CFAP69: variants seen among roughly 807,000 people sequenced by gnomAD.
CFAP69 encodes cilia and flagella associated protein 69.
Under a neutral mutation model 123.0 loss-of-function variants are expected in CFAP69, and 92 were observed. The ratio of observed to expected loss-of-function variants is 0.75; its 90% CI spans 0.63 to 0.89. The LOEUF (loss-of-function observed/expected upper bound fraction) is 0.89. CFAP69 is among the 40% of genes least tolerant of loss of function. CFAP69 has a pLI of 0.00. For missense variants in CFAP69, 1,067 were observed against 1,096.9 expected (o/e 0.97, Z 0.39); for synonymous variants, 380 against 364.3 (o/e 1.04, Z -0.49).
In CFAP69 at chr7:90,268,369, A is replaced by G; in HGVS notation, c.517A>G (p.Lys173Glu). ...IVDFYHAEPPKKHIPGYQQAS... is the reference protein window; with the variant it reads ...IVDFYHAEPPEKHIPGYQQAS... The stretch of plus-strand genomic sequence containing the variant: ...TGATTTTTATCATGCAGAACCACCA[A>G]AGAAGCATATTCCAGGTGAAGTTTA... Residue 173 changes from lysine to glutamate, a missense_variant, in exon 6 of 23, where the codon AAG becomes GAG. Lys to Glu is a moderately conservative substitution (Grantham distance 56). Transcript: ENST00000389297. 6.2e-7 allele frequency: 1 copy of G among 1,609,050 alleles called. No homozygotes were observed. Among genetic ancestry groups the G allele is most frequent in the Non-Finnish European group, 8.5e-7 (1 of 1,177,284 alleles).
At chr7:90,281,645 C>T (rs1025604647) in intron 12 of CFAP69, among the ~76,000 whole-genome samples, 3 of 152,256 alleles carry the variant, frequency 2.0e-5, no homozygotes, top group South Asian at 4.1e-4. Flanking sequence ...AAAAGTCATA[C>T]AGTGAAACTC....
At chr7:90,264,874 A>G (rs6952405) in intron 4 of CFAP69, among the ~76,000 whole-genome samples, 17,114 of 151,890 alleles carry the variant, frequency 0.11, 2,566 homozygotes, top group East Asian at 0.61. Flanking sequence ...GCTCACTGCA[A>G]CCTCCGCCTC....
chr7:90,251,272 G>A (rs1229920974), intron 1 of CFAP69, among the ~76,000 whole-genome samples: 1 of 152,168 alleles, frequency 6.6e-6, no homozygotes, highest in Non-Finnish European at 1.5e-5. Flanking sequence ...AAGGTGTGGG[G>A]GAGGCTTCAG....
chr7:90,272,008 G>A (rs1022973616), intron 8 of CFAP69, 50 bp downstream of exon 8: 2 of 1,481,536 alleles, frequency 1.3e-6, no homozygotes, highest in Admixed American at 2.0e-5. Flanking sequence ...TAAAATGACA[G>A]CCAGTGACAT....
intron 14 of CFAP69, chr7:90,287,457 G>A (rs1313530330): frequency 5.1e-6 from 5 of 985,158 alleles, no homozygotes; most frequent in Non-Finnish European, 6.0e-6. Flanking sequence ...CAAACCCAAA[G>A]CCAAAATTTA....
chr7:90,310,117 T>C lies in CFAP69; in HGVS notation c.2705T>C (p.Val902Ala). Residue 902 changes from valine (V) to alanine (A), a missense_variant, in exon 23 of 23, where the codon GTA becomes GCA. Transcript: ENST00000389297. ...GTGGAAAGCACTCCTGCCCGATTAG[T>C]AGGAGGACCTCTGGTTGATACGGAT... The part of the protein sequence containing the change: ...VTVESTPARL[V>A]GGPLVDTDIA... The C allele has an allele frequency of 1.2e-6, 2 of 1,613,926 alleles. No homozygotes were observed. The highest frequency in any genetic ancestry group is 1.7e-6 in the Non-Finnish European group (2 of 1,179,874).
intron 13 of CFAP69, 53 bp from the exon 14 acceptor site, chr7:90,286,228 A>G (rs1790254184): frequency 6.9e-7 from 1 of 1,445,566 alleles, no homozygotes; most frequent in Admixed American, 2.3e-5. Flanking sequence ...GTAATTGATC[A>G]AAATAAAAGT....
Position 90,268,302 on chromosome 7 carries a change from A to G in CFAP69, c.450A>G (p.Ile150Met). 6.2e-7 allele frequency: 1 copy of G among 1,607,956 alleles called. No individual in the cohort carries two copies. Among genetic ancestry groups the G allele is most frequent in the Non-Finnish European group, 8.5e-7 (1 of 1,177,774 alleles). ...SIALLGDLMK[I>M]PSSELRIQIC... is the part of the protein sequence containing the mutation. The stretch of plus-strand genomic sequence containing the variant: ...TTCTGGCAGGTGACTTAATGAAAAT[A>G]CCAAGTTCTGAATTGAGGATACAAA... Residue 150 changes from isoleucine (I) to methionine (M), a missense_variant, in exon 6 of 23, where the codon ATA (isoleucine) becomes ATG (methionine). Ile to Met is a conservative substitution (Grantham distance 10, BLOSUM62 1). Coordinates refer to ENST00000389297, the MANE Select transcript of CFAP69 (RefSeq NM_001039706.3).
rs1245705650 is a variant in CFAP69 at position 90,311,010 on chromosome 7, A to G, written c.*772A>G. The G allele has an allele frequency of 6.6e-6, 1 of 152,224 alleles. No homozygotes were observed. Among genetic ancestry groups the G allele is most frequent in the Admixed American group, 6.5e-5 (1 of 15,284 alleles). 9.4% of individuals were successfully genotyped at this position (152,224 alleles called of 1,614,324 possible). On this transcript the variant is annotated 3_prime_UTR_variant, in exon 23 of 23. Coordinates refer to ENST00000389297, the MANE Select transcript of CFAP69 (RefSeq NM_001039706.3). ...CATGAGCCAAATGGTAAAAAAGAAA[A>G]AAAAATGCAGCTGGTTTTACTCTTA...
rs548792901 is a variant in CFAP69 at position 90,272,930 on chromosome 7, TCTGA to T, written c.860+976_860+979del. ...TTATTAGTGCCAAAAGAAAAAATGC[TCTGA>T]CTGGCGAAAAGGCAGCTGAAGGCAG... On this transcript the variant is annotated intron_variant, in intron 8 of 22. Transcript: ENST00000389297. Among the ~76,000 whole-genome samples, 7 of 152,258 alleles carry T rather than the reference TCTGA, an allele frequency of 4.6e-5. No homozygotes were observed. The South Asian group carries it at 1.2e-3, about 27-fold the overall frequency.
intron 14 of CFAP69, chr7:90,287,663 T>TA (rs1790501041): frequency 7.1e-6 from 7 of 985,480 alleles, no homozygotes; most frequent in Non-Finnish European, 8.4e-6. Flanking sequence ...CATCATATTC[T>TA]ACCACCCTGT....
chr7:90,265,273 C>T (rs1292064155), intron 4 of CFAP69, 28 bp from the exon 5 acceptor site: 1 of 1,440,302 alleles, frequency 6.9e-7, no homozygotes, highest in Admixed American at 1.7e-5. Context: ...TTAAAAATTA[C>T]TGTTACAATT....
chr7:90,264,070 G>A (rs1245694901), intron 4 of CFAP69, among the ~76,000 whole-genome samples: 5 of 122,474 alleles, frequency 4.1e-5, no homozygotes, highest in Non-Finnish European at 6.5e-5. Flanking sequence ...CAGCCTGGGC[G>A]ACAGAGCAAG....
chr7:90,283,256 T>C (rs945773471), intron 13 of CFAP69, among the ~76,000 whole-genome samples, 200 bp downstream of exon 13: 5 of 152,232 alleles, frequency 3.3e-5, no homozygotes, highest in Non-Finnish European at 7.4e-5. Context: ...TTTAAGCATT[T>C]ATTTCTTCAA....
At chr7:90,312,792 A>G (rs1026430233), downstream of CFAP69, 3 of 152,198 alleles carry the variant, frequency 2.0e-5, no homozygotes, top group African/African-American at 7.2e-5. Flanking sequence ...ATTTTCTTAC[A>G]TTAGTCAGGT....
At chr7:90,289,293 C>A (rs775280110) in intron 15 of CFAP69, among the ~76,000 whole-genome samples, 1 of 152,004 alleles carries the variant, frequency 6.6e-6, no homozygotes, top group South Asian at 2.1e-4. Context: ...GAGGTTTCTC[C>A]TTTTTCCACA....
chr7:90,262,906 T>C (rs1378216002), intron 4 of CFAP69, among the ~76,000 whole-genome samples: 7 of 152,106 alleles, frequency 4.6e-5, no homozygotes, highest in Admixed American at 4.6e-4. Flanking sequence ...TTTTCTGATA[T>C]CTGAATAAAA....
At chr7:90,312,314 A>G (rs544061183), downstream of CFAP69, among the ~76,000 whole-genome samples, 1 of 152,354 alleles carries the variant, frequency 6.6e-6, no homozygotes, top group South Asian at 2.1e-4. Flanking sequence ...CAAAATGGTG[A>G]GGCATAAATA....
downstream of CFAP69, among the ~76,000 whole-genome samples, chr7:90,311,444 C>T (rs1794320553): frequency 6.6e-6 from 1 of 152,204 alleles, no homozygotes; most frequent in African/African-American, 2.4e-5. Flanking sequence ...ATGTTCTCAC[C>T]AATTCACACA....
Sources: allele counts gnomAD v4.1 joint callset (sites outside exome capture counted in the v4.1 genomes callset), GRCh38; gene constraint gnomAD v4.1.1; transcripts MANE v1.5; gene names NCBI Gene and HGNC (gene_info 2026-07-23, HGNC 2026-07-21).